RPL39L: variants seen among roughly 807,000 people sequenced by gnomAD.
RPL39L encodes the protein ribosomal protein L39 like.
For synonymous variants in RPL39L, 16 were observed against 20.1 expected (o/e 0.80, Z 0.55); for missense variants, 48 against 58.9 (o/e 0.81, Z 0.61).
At position 187,125,989 on chromosome 3, in the gene RPL39L, C is replaced by T. The variant is rs139523725; in HGVS notation, c.-29+2010G>A. Among the ~76,000 whole-genome samples, 7 of 152,202 alleles carry T rather than the reference C, an allele frequency of 4.6e-5. No homozygotes were observed. In the East Asian group the frequency reaches 1.2e-3, roughly 25 times the overall value. On this transcript the variant is annotated intron_variant, in intron 2 of 2. Transcript: ENST00000296277. ...TCCGGAGTGGTTAAAGGTTATATTA[C>T]TATTTAAGGTCATAAGGTTAAAGGT... is the stretch of plus-strand genomic sequence containing the variant.
chr3:187,127,160 T>C (rs767599557), intron 2 of RPL39L, among the ~76,000 whole-genome samples: 4 of 152,032 alleles, frequency 2.6e-5, no homozygotes, highest in Non-Finnish European at 5.9e-5. Context: ...AAACAGACAA[T>C]AGAAAGAGAT....
chr3:187,139,168 G>A (rs1350982324), intron 1 of RPL39L, 45 bp downstream of exon 1: 1 of 152,550 alleles, frequency 6.6e-6, no homozygotes, highest in Admixed American at 6.5e-5. Flanking sequence ...CTGCTCGTTG[G>A]GCGGACCGGG....
rs577691491 is a variant in RPL39L, at chr3:187,139,476, C to T, written c.-356G>A. On this transcript the variant is annotated 5_prime_UTR_variant, in exon 1 of 3. Coordinates refer to ENST00000296277, the MANE Select transcript of RPL39L (RefSeq NM_052969.3). ...GCTGGGCGCAGCAATTCAACCGCCGCGCGCCGGATGCTAAGACCGCGATTT... is the reference window on the plus strand; with the variant it reads ...GCTGGGCGCAGCAATTCAACCGCCGTGCGCCGGATGCTAAGACCGCGATTT... 2 of 152,270 alleles carry T rather than the reference C, an allele frequency of 1.3e-5. No homozygotes were observed. Among genetic ancestry groups the T allele is most frequent in the Admixed American group, 6.5e-5 (1 of 15,308 alleles). 9.4% of individuals were successfully genotyped at this position (152,270 alleles called of 1,614,324 possible). A position where few individuals can be genotyped will look rare whatever the true frequency, so the allele number is the denominator to read the frequency against.
At chr3:187,134,983 G>A (rs1224311255) in intron 1 of RPL39L, among the ~76,000 whole-genome samples, 1 of 152,252 alleles carries the variant, frequency 6.6e-6, no homozygotes, top group Non-Finnish European at 1.5e-5. Flanking sequence ...ACCTTTGCAT[G>A]TTGGGTGAAA....
At chr3:187,130,705 A>G (rs1720471667) in intron 1 of RPL39L, among the ~76,000 whole-genome samples, 1 of 152,264 alleles carries the variant, frequency 6.6e-6, no homozygotes, top group African/African-American at 2.4e-5. Flanking sequence ...ATTTCCTTAC[A>G]GCAATGTAAG....
chr3:187,125,083 T>C lies in RPL39L; in HGVS notation c.-29+2916A>G, dbSNP rs373534121. Among the ~76,000 whole-genome samples the C allele has an allele frequency of 1.2e-3, 181 of 152,294 alleles. 4 individuals are homozygous for C. In the South Asian group the frequency reaches 0.034, roughly 29 times the overall value. ...GGAAGGGAGGAGGAGCATGTGCTAC[T>C]AAATAAGGCAAATACCTACATCCCA... On this transcript the variant is annotated intron_variant, in intron 2 of 2. Transcript: ENST00000296277.
intron 1 of RPL39L, among the ~76,000 whole-genome samples, chr3:187,136,344 C>T (rs1579415697): frequency 6.6e-6 from 1 of 152,222 alleles, no homozygotes; most frequent in African/African-American, 2.4e-5. Flanking sequence ...TGACCACCCT[C>T]CCTGATGACA....
chr3:187,138,088 C>T (rs1720616607), intron 1 of RPL39L, among the ~76,000 whole-genome samples: 1 of 152,092 alleles, frequency 6.6e-6, no homozygotes, highest in South Asian at 2.1e-4. Context: ...TAGAAGCATC[C>T]GTCCTGTCTC....
At chr3:187,127,292 T>A (rs1037940372) in intron 2 of RPL39L, among the ~76,000 whole-genome samples, 1 of 151,970 alleles carries the variant, frequency 6.6e-6, no homozygotes, top group African/African-American at 2.4e-5. Context: ...ATACATCCCA[T>A]AAAAAATATA....
intron 2 of RPL39L, among the ~76,000 whole-genome samples, chr3:187,121,905 A>G (rs1346179503): frequency 2.0e-5 from 3 of 152,230 alleles, no homozygotes; most frequent in Admixed American, 1.3e-4. Flanking sequence ...TTTCTCAATA[A>G]CCCTTTACAT....
intron 1 of RPL39L, among the ~76,000 whole-genome samples, chr3:187,131,847 T>G (rs1720489384): frequency 6.6e-6 from 1 of 152,212 alleles, no homozygotes; most frequent in East Asian, 1.9e-4. Flanking sequence ...AAGCCTACAG[T>G]TGTTGAAATT....
At chr3:187,122,549 T>C (rs1720331296) in intron 2 of RPL39L, among the ~76,000 whole-genome samples, 1 of 152,178 alleles carries the variant, frequency 6.6e-6, no homozygotes. Flanking sequence ...TGTGAGATGT[T>C]TATTCTATGT....
intron 1 of RPL39L, among the ~76,000 whole-genome samples, chr3:187,134,916 A>G (rs1048997956): frequency 1.7e-4 from 26 of 152,194 alleles, no homozygotes; most frequent in African/African-American, 6.0e-4. Context: ...TCACACCTCA[A>G]TTCTATCTCA....
intron 2 of RPL39L, among the ~76,000 whole-genome samples, chr3:187,126,381 C>G (rs1212168572): frequency 6.6e-6 from 1 of 152,084 alleles, no homozygotes; most frequent in Admixed American, 6.5e-5. Context: ...CCAGGCTGGT[C>G]TTGAACTCCT....
At chr3:187,134,586 CA>C (rs1355296960) in intron 1 of RPL39L, among the ~76,000 whole-genome samples, 1 of 151,186 alleles carries the variant, frequency 6.6e-6, no homozygotes, top group African/African-American at 2.4e-5. Flanking sequence ...AATAATATCA[CA>C]AATTATTGTA....
chr3:187,127,478 C>T (rs768511180), intron 2 of RPL39L, among the ~76,000 whole-genome samples: 9 of 152,146 alleles, frequency 5.9e-5, no homozygotes, highest in African/African-American at 1.7e-4. Context: ...AAGCAATATG[C>T]GTATATTTCC....
chr3:187,129,384 A>T (rs1720450137), intron 1 of RPL39L, among the ~76,000 whole-genome samples: 1 of 152,192 alleles, frequency 6.6e-6, no homozygotes, highest in Non-Finnish European at 1.5e-5. Context: ...CCTCAAACCC[A>T]GTCTTCTCTG....
chr3:187,126,034 T>C (rs1026887910), intron 2 of RPL39L, among the ~76,000 whole-genome samples: 1 of 152,244 alleles, frequency 6.6e-6, no homozygotes, highest in East Asian at 1.9e-4. Context: ...TTTTTAAATA[T>C]GGAACTCCGG....
intron 2 of RPL39L, among the ~76,000 whole-genome samples, chr3:187,122,557 T>C (rs780230892): frequency 2.6e-4 from 39 of 152,170 alleles, no homozygotes; most frequent in Admixed American, 1.2e-3. Context: ...GTTTATTCTA[T>C]GTCTGGCATC....
Sources: allele counts gnomAD v4.1 joint callset (sites outside exome capture counted in the v4.1 genomes callset), GRCh38; gene constraint gnomAD v4.1.1; transcripts MANE v1.5; gene names NCBI Gene and HGNC (gene_info 2026-07-23, HGNC 2026-07-21).